Variants in DSCAM observed in about 807,000 individuals in gnomAD.
DSCAM encodes the protein cell adhesion molecule DSCAM.
In DSCAM, 47 loss-of-function variants were observed where a neutral mutation model predicts 217.7. The ratio of observed to expected loss-of-function variants is 0.22; its 90% CI spans 0.17 to 0.28. The LOEUF is 0.28. Among genes scored for constraint, DSCAM ranks in the 10% least tolerant of loss-of-function variants. DSCAM has a pLI of 1.00. For synonymous variants in DSCAM, 1,056 were observed against 1,015.3 expected, an observed-to-expected ratio of 1.04 and a Z score of -0.76; for missense variants, 2,080 against 2,618.3, an observed-to-expected ratio of 0.79 and a Z score of 4.49.
chr21:40,555,116 T>G (rs907323429), intron 3 of DSCAM, among the ~76,000 whole-genome samples: 1 of 152,218 alleles, frequency 6.6e-6, no homozygotes, highest in Non-Finnish European at 1.5e-5. Context: ...ATATTTTAAA[T>G]TCAATATTCA....
At chr21:40,400,581 A>AT (rs1343667422) in intron 3 of DSCAM, among the ~76,000 whole-genome samples, 1 of 152,152 alleles carries the variant, frequency 6.6e-6, no homozygotes, top group Non-Finnish European at 1.5e-5. Context: ...CACCCAGCTA[A>AT]TTTAAAAACT....
At chr21:40,580,736 A>G (rs2076898668) in intron 3 of DSCAM, among the ~76,000 whole-genome samples, 1 of 152,186 alleles carries the variant, frequency 6.6e-6, no homozygotes, top group African/African-American at 2.4e-5. Context: ...CCAAGACCAA[A>G]TGCAGTAAGT....
At chr21:40,163,206 C>G (rs955659794) in intron 16 of DSCAM, among the ~76,000 whole-genome samples, 2 of 151,980 alleles carry the variant, frequency 1.3e-5, no homozygotes, top group Non-Finnish European at 2.9e-5. Context: ...GTGACAGGCA[C>G]TGCTAAAAGA....
chr21:40,740,046 T>G (rs989322886), intron 1 of DSCAM, among the ~76,000 whole-genome samples: 1 of 140,878 alleles, frequency 7.1e-6, no homozygotes, highest in Non-Finnish European at 1.5e-5. Context: ...TGGGAACATG[T>G]GACAACACCT....
intron 2 of DSCAM, among the ~76,000 whole-genome samples, chr21:40,707,287 G>A (rs1306759725): frequency 6.6e-6 from 1 of 152,136 alleles, no homozygotes. Context: ...CTGTTTGTCA[G>A]GTTTAGAGGT....
chr21:40,025,838 A>AT (rs767007834), intron 32 of DSCAM, among the ~76,000 whole-genome samples: 2 of 150,516 alleles, frequency 1.3e-5, no homozygotes, highest in African/African-American at 4.9e-5. Context: ...GGATTCATTA[A>AT]TTTTTTGAAG....
chr21:40,311,032 C>T (rs562101961), intron 9 of DSCAM, among the ~76,000 whole-genome samples: 1 of 152,074 alleles, frequency 6.6e-6, no homozygotes, highest in East Asian at 1.9e-4. Flanking sequence ...ATAAAAAGTG[C>T]ATTTCTTCCC....
chr21:40,159,441 T>G (rs1341067940), intron 16 of DSCAM, among the ~76,000 whole-genome samples: 1 of 152,196 alleles, frequency 6.6e-6, no homozygotes, highest in Non-Finnish European at 1.5e-5. Context: ...TAATGCTCAA[T>G]GCCATATTAA....
Position 40,081,610 on chromosome 21 carries a change from C to T in DSCAM, c.4232-1270G>A, listed in dbSNP as rs149839823. Among the ~76,000 whole-genome samples the T allele has an allele frequency of 4.0e-3, 611 of 152,272 alleles. 6 individuals carry two copies. Among genetic ancestry groups the T allele is most frequent in the African/African-American group, 0.014 (581 of 41,558 alleles). Reference sequence around the variant, plus strand: ...TCCCAGCCACATCCCAGCCTGTATTCCAGCCGCCCTACACATTGTAGGGAC... The same window carrying T: ...TCCCAGCCACATCCCAGCCTGTATTTCAGCCGCCCTACACATTGTAGGGAC... On this transcript the variant is annotated intron_variant, in intron 24 of 32. Transcript: ENST00000400454.
chr21:40,540,400 ATC>A (rs1390495136), intron 3 of DSCAM, among the ~76,000 whole-genome samples: 2 of 152,036 alleles, frequency 1.3e-5, no homozygotes, highest in African/African-American at 2.4e-5. Context: ...ACACAGCGTA[ATC>A]TCTCTGTCGA....
intron 27 of DSCAM, 72 bp downstream of exon 27, chr21:40,074,965 A>G (rs1296224165): frequency 6.6e-7 from 1 of 1,518,626 alleles, no homozygotes; most frequent in Non-Finnish European, 8.9e-7. Context: ...TTTGTTCTCC[A>G]GCTGGCATCT....
At chr21:40,163,599 A>G (rs1342362942) in intron 16 of DSCAM, among the ~76,000 whole-genome samples, 1 of 151,990 alleles carries the variant, frequency 6.6e-6, no homozygotes, top group Non-Finnish European at 1.5e-5. Context: ...TAGCCTATAG[A>G]AAGATATTCC....
chr21:40,132,391 A>C (rs1375723789), intron 19 of DSCAM, among the ~76,000 whole-genome samples: 1 of 152,222 alleles, frequency 6.6e-6, no homozygotes, highest in Non-Finnish European at 1.5e-5. Flanking sequence ...TTTTTAAAAA[A>C]TTAACTTATG....
At chr21:40,132,332 G>C (rs552164190) in intron 19 of DSCAM, among the ~76,000 whole-genome samples, 1 of 152,106 alleles carries the variant, frequency 6.6e-6, no homozygotes, top group Non-Finnish European at 1.5e-5. Context: ...AAAGACCCAC[G>C]GGCAGCAGGT....
At chr21:40,207,628 T>C (rs572948886) in intron 11 of DSCAM, among the ~76,000 whole-genome samples, 2 of 152,330 alleles carry the variant, frequency 1.3e-5, no homozygotes, top group African/African-American at 4.8e-5. Context: ...CATCTATAAG[T>C]GGCATATTAT....
At chr21:40,216,496 G>A (rs553898175) in intron 11 of DSCAM, among the ~76,000 whole-genome samples, 31 of 152,174 alleles carry the variant, frequency 2.0e-4, no homozygotes, top group East Asian at 1.9e-3. Flanking sequence ...GGCAAAGTCC[G>A]TCTATTTTAG....
intron 3 of DSCAM, among the ~76,000 whole-genome samples, chr21:40,410,649 A>G (rs989913659): frequency 1.3e-5 from 2 of 152,058 alleles, no homozygotes; most frequent in African/African-American, 4.8e-5. Flanking sequence ...TAAATTACGA[A>G]CAAATGAAGA....
chr21:40,695,917 C>T (rs1257263214), intron 2 of DSCAM, among the ~76,000 whole-genome samples: 26 of 151,930 alleles, frequency 1.7e-4, no homozygotes. Context: ...CTTAAGACAC[C>T]AACATTGCTG....
At chr21:40,343,724 C>T (rs2074524617) in intron 6 of DSCAM, among the ~76,000 whole-genome samples, 1 of 152,074 alleles carries the variant, frequency 6.6e-6, no homozygotes, top group East Asian at 1.9e-4. Context: ...GTTAAGATTG[C>T]AGTACTTTAT....
Sources: gnomAD v4.1 joint callset for allele counts (sites outside exome capture counted in the v4.1 genomes callset) on GRCh38, gnomAD v4.1.1 for gene constraint, MANE v1.5 for transcripts, NCBI Gene and HGNC (gene_info 2026-07-23, HGNC 2026-07-21) for gene names.